Variants in AFF3 observed in about 807,000 individuals in gnomAD.
The protein encoded by AFF3 is ALF transcription elongation factor 3.
A neutral mutation model predicts 129.7 loss-of-function variants in AFF3; 32 were observed. The ratio of observed to expected loss-of-function variants is 0.25; its 90% confidence interval spans 0.19 to 0.33. The LOEUF is 0.33. Ranked by LOEUF, AFF3 falls within the 10% of genes least tolerant of loss-of-function variation. AFF3 has a pLI of 1.00. For synonymous variants in AFF3, 644 were observed against 635.4 expected, an observed-to-expected ratio of 1.01 and a Z score of -0.20; for missense variants, 1,373 against 1,592.0, an observed-to-expected ratio of 0.86 and a Z score of 2.34.
chr2:99,739,457 G>C (rs1239004357), intron 10 of AFF3, among the ~76,000 whole-genome samples: 5 of 152,102 alleles, frequency 3.3e-5, no homozygotes. Context: ...GAAGGGGAAG[G>C]ATTGCTTAAA....
intron 11 of AFF3, among the ~76,000 whole-genome samples, chr2:99,723,875 G>C (rs1446942538): frequency 6.6e-6 from 1 of 152,172 alleles, no homozygotes; most frequent in African/African-American, 2.4e-5. Flanking sequence ...AACAGACACA[G>C]AGATAGACAT....
At chr2:100,123,527 C>T (rs1692065329) in intron 2 of AFF3, among the ~76,000 whole-genome samples, 1 of 152,172 alleles carries the variant, frequency 6.6e-6, no homozygotes, top group Non-Finnish European at 1.5e-5. Context: ...TACTCCAGTT[C>T]AAATTTTGGC....
rs143637300 is a variant in AFF3, at chr2:99,970,420, C to T, written c.873+36212G>A. Among the ~76,000 whole-genome samples, 12 of 152,306 alleles carry T rather than the reference C, an allele frequency of 7.9e-5. No individual in the cohort carries two copies. In the East Asian group the frequency reaches 2.3e-3, roughly 29 times the overall value. On this transcript the variant is annotated intron_variant, in intron 7 of 24. Coordinates refer to ENST00000672756, the MANE Select transcript of AFF3 (RefSeq NM_001386135.1). ...ATCTCCCTCCCTCACCTCCCGTTTC[C>T]TTTCTTCATTACTAAGTTTGGTTTA... is the stretch of plus-strand genomic sequence containing the variant.
At chr2:99,819,170 T>C (rs1460685194) in intron 8 of AFF3, among the ~76,000 whole-genome samples, 9 of 152,264 alleles carry the variant, frequency 5.9e-5, no homozygotes, top group African/African-American at 1.9e-4. Flanking sequence ...GCTTTGTCTG[T>C]ATATTTTATT....
chr2:99,978,895 G>A (rs116076007), intron 7 of AFF3, among the ~76,000 whole-genome samples: 1 of 152,150 alleles, frequency 6.6e-6, no homozygotes, highest in Non-Finnish European at 1.5e-5. Context: ...AGAAATAAAT[G>A]TTTATTGTTT....
At chr2:99,870,863 T>C (rs1197052417) in intron 7 of AFF3, among the ~76,000 whole-genome samples, 3 of 152,256 alleles carry the variant, frequency 2.0e-5, no homozygotes, top group East Asian at 1.9e-4. Context: ...ATTTAAAATG[T>C]GGACTCTGGA....
At chr2:99,766,375 C>T (rs1683021427) in intron 8 of AFF3, among the ~76,000 whole-genome samples, 1 of 152,184 alleles carries the variant, frequency 6.6e-6, no homozygotes, top group Non-Finnish European at 1.5e-5. Context: ...ATTTATAAAT[C>T]ACTGAATGGC....
rs767620164 is a variant in AFF3 at position 99,554,301 on chromosome 2, G to T, written c.3559+10C>A. 6.2e-7 allele frequency: 1 copy of T among 1,614,002 alleles called. No individual in the cohort carries two copies. The highest frequency in any genetic ancestry group is 8.5e-7 in the Non-Finnish European group (1 of 1,180,006). On this transcript the variant is annotated intron_variant, in intron 24 of 24. Transcript: ENST00000672756. Reference sequence around the variant, plus strand: ...GGAAGCCCCTGGTTCCCCGTGGGGTGTGCGCTCACCTCGGTTTTCCTTGGC... The same window carrying T: ...GGAAGCCCCTGGTTCCCCGTGGGGTTTGCGCTCACCTCGGTTTTCCTTGGC...
intron 4 of AFF3, among the ~76,000 whole-genome samples, chr2:100,059,823 A>G (rs1227642304): frequency 6.6e-6 from 1 of 152,232 alleles, no homozygotes; most frequent in African/African-American, 2.4e-5. Flanking sequence ...CACTTCCAGG[A>G]TCTGGCAGAG....
At chr2:99,650,828 G>A (rs924818029) in intron 12 of AFF3, among the ~76,000 whole-genome samples, 3 of 147,330 alleles carry the variant, frequency 2.0e-5, no homozygotes, top group Admixed American at 6.8e-5. Flanking sequence ...GTGTGTGTGT[G>A]TATGCTGAAA....
Position 99,593,926 on chromosome 2 carries a change from C to A in AFF3, c.1735G>T (p.Ala579Ser). 1 of 1,398,138 alleles carries A rather than the reference C, an allele frequency of 7.2e-7. No homozygotes were observed. Among genetic ancestry groups the A allele is most frequent in the African/African-American group, 1.5e-5 (1 of 66,022 alleles). The allele number at this position is 1,398,138 out of a possible 1,614,324, so 86.6% of individuals were successfully genotyped here. The change falls in exon 15 of 25, where the codon GCC becomes TCC. Residue 579 changes from alanine (A) to serine (S), a missense_variant. Ala to Ser is a moderately conservative substitution (Grantham distance 99). Coordinates refer to ENST00000672756, the MANE Select transcript of AFF3 (RefSeq NM_001386135.1). ...CAPAENAPAP[A>S]RRSAGKKPTR... is the part of the protein sequence containing the mutation. ...GGCTTCTTGCCCGCGGACCTCCGGG[C>A]AGGCGCGGGCGCGTTCTCCGCGGGC...
intron 4 of AFF3, among the ~76,000 whole-genome samples, chr2:100,072,348 G>A (rs1004265650): frequency 3.3e-5 from 5 of 152,120 alleles, no homozygotes; most frequent in African/African-American, 4.8e-5. Flanking sequence ...GATATGAGGT[G>A]GTACAGTTTC....
chr2:99,900,848 G>A (rs181092266), intron 7 of AFF3, among the ~76,000 whole-genome samples: 1 of 152,338 alleles, frequency 6.6e-6, no homozygotes, highest in Admixed American at 6.5e-5. Context: ...TGGCAGGTTT[G>A]ATGATCTCCG....
chr2:99,855,573 T>C (rs959097289), intron 7 of AFF3, among the ~76,000 whole-genome samples: 20 of 152,138 alleles, frequency 1.3e-4, no homozygotes, highest in African/African-American at 2.7e-4. Context: ...CAAAGTAGCA[T>C]TGGATTATAA....
intron 18 of AFF3, among the ~76,000 whole-genome samples, chr2:99,569,451 C>T (rs1484115133): frequency 6.6e-6 from 1 of 152,184 alleles, no homozygotes; most frequent in Non-Finnish European, 1.5e-5. Flanking sequence ...TGGATGATTA[C>T]ATTCCAGTTG....
intron 4 of AFF3, among the ~76,000 whole-genome samples, chr2:100,024,822 T>C (rs560903129): frequency 1.2e-4 from 19 of 152,052 alleles, no homozygotes; most frequent in Non-Finnish European, 2.6e-4. Context: ...TAGAAAAGCA[T>C]GGATTATATA....
rs1474290322 is a variant in AFF3 at position 99,551,661 on chromosome 2, T to A, written c.3560-66A>T. ...TAGGTGTGCTATCCTGAGCAACTGA[T>A]GTAAGGAAAAATTCCATTCATGGTC... On this transcript the variant is annotated intron_variant, in intron 24 of 24. Transcript: ENST00000672756. 18 of 1,593,824 alleles carry A rather than the reference T, an allele frequency of 1.1e-5. No homozygotes were observed. The South Asian group carries it at 1.3e-4, about 12-fold the overall frequency.
At chr2:99,825,926 T>C (rs1688046854) in intron 8 of AFF3, among the ~76,000 whole-genome samples, 1 of 152,214 alleles carries the variant, frequency 6.6e-6, no homozygotes, top group African/African-American at 2.4e-5. Context: ...CTTGAACCAT[T>C]TGCTTCAGGA....
intron 8 of AFF3, among the ~76,000 whole-genome samples, chr2:99,836,286 T>C (rs1688868136): frequency 6.6e-6 from 1 of 152,228 alleles, no homozygotes; most frequent in Admixed American, 6.5e-5. Flanking sequence ...TATGAAAGTA[T>C]GTTGAAAGAG....
Sources: allele counts gnomAD v4.1 joint callset (sites outside exome capture counted in the v4.1 genomes callset), GRCh38; gene constraint gnomAD v4.1.1; transcripts MANE v1.5; gene names NCBI Gene and HGNC (gene_info 2026-07-23, HGNC 2026-07-21).